Variants in GRM7 observed in about 807,000 individuals in gnomAD.
GRM7 encodes metabotropic glutamate receptor 7.
A neutral mutation model predicts 84.5 loss-of-function variants in GRM7; 35 were observed. The observed-to-expected ratio is 0.41, with a 90% CI of 0.32 to 0.55. The LOEUF is 0.55. GRM7 is among the 20% of genes least tolerant of loss of function. The pLI is 0.19. For synonymous variants in GRM7, 487 were observed against 455.1 expected (o/e 1.07, Z -0.89); for missense variants, 1,003 against 1,194.6 (o/e 0.84, Z 2.36).
intron 4 of GRM7, among the ~76,000 whole-genome samples, chr3:7,385,649 T>G (rs1694759040): frequency 6.6e-6 from 1 of 152,188 alleles, no homozygotes. Flanking sequence ...TAGATTTAAC[T>G]TGTATAAATT....
intron 1 of GRM7, among the ~76,000 whole-genome samples, chr3:6,927,909 A>C (rs1303577629): frequency 6.6e-6 from 1 of 152,176 alleles, no homozygotes; most frequent in Non-Finnish European, 1.5e-5. Context: ...ACAATGTTCC[A>C]GTTAGTGCCA....
rs11924025 is a variant in GRM7, at chr3:7,648,855, G to C, written c.2452-31194G>C. Among the ~76,000 whole-genome samples the C allele has an allele frequency of 4.6e-5, 7 of 152,066 alleles. No individual in the cohort carries two copies. In the East Asian group the frequency reaches 1.4e-3, roughly 30 times the overall value. ...CTTGGCGAAAGTCAGACGTTGTGGC[G>C]TTCCTTTTGACTAGTGGATTTAGTC... On this transcript the variant is annotated intron_variant, in intron 8 of 9. Coordinates refer to ENST00000357716, the MANE Select transcript of GRM7 (RefSeq NM_000844.4).
chr3:7,700,262 C>A (rs1424521525), intron 9 of GRM7, among the ~76,000 whole-genome samples: 2 of 152,198 alleles, frequency 1.3e-5, no homozygotes, highest in African/African-American at 2.4e-5. Flanking sequence ...AACAACACAT[C>A]TCTCTGGTCT....
At chr3:7,042,615 A>G (rs1161044826) in intron 1 of GRM7, among the ~76,000 whole-genome samples, 1 of 151,920 alleles carries the variant, frequency 6.6e-6, no homozygotes, top group Non-Finnish European at 1.5e-5. Flanking sequence ...TACACTTTTA[A>G]TTTTATCTGG....
intron 1 of GRM7, among the ~76,000 whole-genome samples, chr3:6,965,136 A>G (rs961826968): frequency 6.6e-6 from 1 of 152,046 alleles, no homozygotes; most frequent in African/African-American, 2.4e-5. Flanking sequence ...GAGCAAAAAG[A>G]CCCTAGGTGG....
chr3:7,209,117 C>T (rs1164844476), intron 2 of GRM7, among the ~76,000 whole-genome samples: 1 of 152,142 alleles, frequency 6.6e-6, no homozygotes, highest in Non-Finnish European at 1.5e-5. Context: ...CTGTTTTACT[C>T]AAAGCCTATT....
intron 7 of GRM7, among the ~76,000 whole-genome samples, chr3:7,488,684 G>A (rs1042407139): frequency 2.6e-5 from 4 of 152,166 alleles, no homozygotes; most frequent in Admixed American, 6.6e-5. Flanking sequence ...CCAGAATCAT[G>A]ACAGAAATTA....
chr3:7,387,684 C>T (rs1339870176), intron 4 of GRM7, among the ~76,000 whole-genome samples: 2 of 152,170 alleles, frequency 1.3e-5, no homozygotes, highest in African/African-American at 2.4e-5. Context: ...GTTTTGGTTA[C>T]TGTAGCCTTG....
chr3:7,425,639 C>T (rs1299390916), intron 5 of GRM7, among the ~76,000 whole-genome samples: 1 of 152,012 alleles, frequency 6.6e-6, no homozygotes, highest in Non-Finnish European at 1.5e-5. Flanking sequence ...CAGAAGTGGG[C>T]AATTTACTAT....
intron 8 of GRM7, among the ~76,000 whole-genome samples, chr3:7,596,980 T>A (rs1559428359): frequency 1.3e-5 from 2 of 152,192 alleles, no homozygotes; most frequent in Non-Finnish European, 2.9e-5. Flanking sequence ...TACAGTGATG[T>A]GCTCGTTGTT....
rs564170113 is a variant in GRM7 at position 6,931,117 on chromosome 3, G to A, written c.519+69210G>A. 8.5e-5 allele frequency among the ~76,000 whole-genome samples: 13 copies of A among 152,246 alleles called. No individual in the cohort carries two copies. The South Asian group carries it at 2.5e-3, about 29-fold the overall frequency. On this transcript the variant is annotated intron_variant, in intron 1 of 9. Transcript: ENST00000357716. ...GCACTAGCTCTTGCCCCTGTCAAAT[G>A]GATATCAATCTTTCATTCATTAGTT... is the stretch of plus-strand genomic sequence containing the variant.
At chr3:7,579,949 G>A (rs745487428) in intron 8 of GRM7, among the ~76,000 whole-genome samples, 1 of 152,190 alleles carries the variant, frequency 6.6e-6, no homozygotes, top group Non-Finnish European at 1.5e-5. Flanking sequence ...CAACTAGATG[G>A]ACATTAATCA....
At chr3:7,637,466 C>A (rs929085140) in intron 8 of GRM7, among the ~76,000 whole-genome samples, 11 of 152,152 alleles carry the variant, frequency 7.2e-5, no homozygotes, top group Admixed American at 6.5e-4. Flanking sequence ...TCCTGAGATG[C>A]CAGGCACAAC....
At chr3:7,198,674 G>T (rs1161969527) in intron 2 of GRM7, among the ~76,000 whole-genome samples, 3 of 152,124 alleles carry the variant, frequency 2.0e-5, no homozygotes, top group African/African-American at 4.8e-5. Flanking sequence ...GTATAATAAG[G>T]TGTTGAATAG....
chr3:7,529,409 A>C (rs187463172), intron 7 of GRM7, among the ~76,000 whole-genome samples: 1 of 152,118 alleles, frequency 6.6e-6, no homozygotes, highest in Non-Finnish European at 1.5e-5. Context: ...TCGCACATCC[A>C]TTCAAGTTTT....
chr3:7,449,533 G>A (rs372699303), intron 5 of GRM7, among the ~76,000 whole-genome samples: 1 of 152,170 alleles, frequency 6.6e-6, no homozygotes, highest in East Asian at 1.9e-4. Context: ...AACAAATCTG[G>A]CACAGAGGGG....
chr3:7,361,490 T>C (rs912808582), intron 4 of GRM7, among the ~76,000 whole-genome samples: 1 of 152,128 alleles, frequency 6.6e-6, no homozygotes, highest in Non-Finnish European at 1.5e-5. Context: ...CATAACTGTT[T>C]GCTTTTCCAG....
intron 8 of GRM7, among the ~76,000 whole-genome samples, chr3:7,665,737 A>G (rs1278680393): frequency 1.3e-5 from 2 of 152,156 alleles, no homozygotes; most frequent in Non-Finnish European, 2.9e-5. Context: ...AAAGACCTCA[A>G]CTTTCTTCTT....
At chr3:7,220,739 G>A (rs1696773645) in intron 2 of GRM7, among the ~76,000 whole-genome samples, 1 of 152,166 alleles carries the variant, frequency 6.6e-6, no homozygotes, top group Non-Finnish European at 1.5e-5. Flanking sequence ...GGTGTGATGT[G>A]CCTGTAATTG....
Sources: allele counts gnomAD v4.1 joint callset (sites outside exome capture counted in the v4.1 genomes callset), GRCh38; gene constraint gnomAD v4.1.1; transcripts MANE v1.5; gene names NCBI Gene and HGNC (gene_info 2026-07-23, HGNC 2026-07-21).